RIOK1: variants seen among roughly 807,000 people sequenced by gnomAD.
The protein encoded by RIOK1 is serine/threonine-protein kinase RIO1.
Under a neutral mutation model 73.5 loss-of-function variants are expected in RIOK1, and 66 were observed. That is an observed-to-expected ratio of 0.90 (90% CI 0.74 to 1.10). The LOEUF (loss-of-function observed/expected upper bound fraction) is 1.10, where lower values mean the gene tolerates loss of function less well. RIOK1 is among the 50% of genes least tolerant of loss of function. RIOK1 has a pLI of 0.00. For missense variants in RIOK1, 658 were observed against 699.8 expected (o/e 0.94, Z 0.67); for synonymous variants, 224 against 226.8 (o/e 0.99, Z 0.11).
At chr6:7,390,145 T>C in intron 1 of RIOK1, 72 bp downstream of exon 1, 4 of 1,297,286 alleles carry the variant, frequency 3.1e-6, no homozygotes, top group Non-Finnish European at 4.3e-6. Flanking sequence ...GTGTGGACTC[T>C]TGTTTGCGGT....
intron 2 of RIOK1, among the ~76,000 whole-genome samples, chr6:7,393,927 C>T (rs1761405764): frequency 1.3e-5 from 2 of 152,032 alleles, no homozygotes; most frequent in East Asian, 3.9e-4. Context: ...ATTATACAGC[C>T]ATAAAAGATG....
intron 5 of RIOK1, among the ~76,000 whole-genome samples, chr6:7,399,411 G>A (rs1761558933): frequency 6.6e-6 from 1 of 152,156 alleles, no homozygotes; most frequent in Non-Finnish European, 1.5e-5. Flanking sequence ...TTGTCCCCTA[G>A]TTTATTTTGT....
In RIOK1 at chr6:7,401,010, T is replaced by C; in HGVS notation, c.533T>C (p.Ile178Thr). The change falls in exon 6 of 17, where the codon ATC becomes ACC. Residue 178 changes from isoleucine (I) to threonine (T), a missense_variant. By Grantham distance (89) the Ile-to-Thr change is moderately conservative (BLOSUM62 -1). Transcript: ENST00000379834. ...MILFKMLTRG[I>T]ITEINGCIST... ...TTATTCAAGATGTTGACTAGAGGAA[T>C]CATAACAGAGATAAATGGCTGCATT... 1 of 1,611,346 alleles carries C rather than the reference T, an allele frequency of 6.2e-7. No individual in the cohort carries two copies. Among genetic ancestry groups the C allele is most frequent in the Non-Finnish European group, 8.5e-7 (1 of 1,178,134 alleles).
intron 6 of RIOK1, among the ~76,000 whole-genome samples, chr6:7,401,831 A>T (rs1017048344): frequency 2.6e-5 from 4 of 151,340 alleles, no homozygotes; most frequent in African/African-American, 9.7e-5. Context: ...GGCGTGCACC[A>T]CCACACTCAG....
intron 5 of RIOK1, among the ~76,000 whole-genome samples, chr6:7,400,527 TA>T (rs1219494109): frequency 6.6e-6 from 1 of 152,242 alleles, no homozygotes; most frequent in Non-Finnish European, 1.5e-5. Flanking sequence ...GATGACTTTT[TA>T]TATTGATACA....
chr6:7,403,854 A>G, intron 8 of RIOK1, 87 bp from the exon 9 acceptor site: 1 of 805,102 alleles, frequency 1.2e-6, no homozygotes, highest in South Asian at 1.4e-5. Flanking sequence ...TCTTAACAGC[A>G]ATATTAATCT....
chr6:7,410,369 T>C lies in RIOK1; in HGVS notation c.1204-17T>C. ...AGTTTGAATATAAAAGAAAGTCATT[T>C]TTGTTTTCTTTCCAAGGCCATGGAA... On this transcript the variant is annotated splice_polypyrimidine_tract_variant and intron_variant, in intron 12 of 16. Transcript: ENST00000379834. 6.3e-7 allele frequency: 1 copy of C among 1,592,016 alleles called. No individual in the cohort carries two copies. The highest frequency in any genetic ancestry group is 8.6e-7 in the Non-Finnish European group (1 of 1,160,674).
chr6:7,400,639 T>G (rs1218252320), intron 5 of RIOK1, among the ~76,000 whole-genome samples: 1 of 152,248 alleles, frequency 6.6e-6, no homozygotes, highest in East Asian at 1.9e-4. Flanking sequence ...TAGAACAATG[T>G]AATACTATTT....
chr6:7,396,915 G>GTGTT (rs1554141234), intron 4 of RIOK1, 143 bp downstream of exon 4: 2 of 538,088 alleles, frequency 3.7e-6, no homozygotes, highest in Non-Finnish European at 6.7e-6. Context: ...GTGTGTGTGT[G>GTGTT]TGTGTTTTCC....
At position 7,404,495 on chromosome 6, in the gene RIOK1, T is replaced by A. The variant is rs747289992; in HGVS notation, c.932T>A (p.Met311Lys). 63 of 1,613,410 alleles carry A rather than the reference T, an allele frequency of 3.9e-5. No homozygotes were observed. The East Asian group carries it at 1.4e-3, about 36-fold the overall frequency. ...TTGTACCTGCAGGTCATTCAGTACA[T>A]GAGAAGAATGTATCAGGATGCCAGA... Reference protein sequence around the residue: ...RELYLQVIQYMRRMYQDARLV... With the variant: ...RELYLQVIQYKRRMYQDARLV... Residue 311 changes from methionine (M) to lysine (K), a missense_variant, in exon 10 of 17, where the codon ATG becomes AAG. Transcript: ENST00000379834.
chr6:7,406,686 G>A (rs1761753283), intron 12 of RIOK1, among the ~76,000 whole-genome samples: 1 of 152,134 alleles, frequency 6.6e-6, no homozygotes, highest in East Asian at 1.9e-4. Context: ...GTTTGAGACA[G>A]GGTCTCACTC....
intron 13 of RIOK1, among the ~76,000 whole-genome samples, chr6:7,411,063 C>T (rs1364920821): frequency 6.6e-6 from 1 of 152,208 alleles, no homozygotes; most frequent in African/African-American, 2.4e-5. Flanking sequence ...AAGTGTTATT[C>T]TAAGGATAAT....
chr6:7,400,845 A>G (rs909230616), intron 5 of RIOK1, 113 bp from the exon 6 acceptor site: 43 of 614,734 alleles, frequency 7.0e-5, no homozygotes, highest in African/African-American at 2.1e-4. Context: ...CATTTAGTCA[A>G]CCAGGATAGC....
At chr6:7,398,169 A>C (rs1761522924) in intron 4 of RIOK1, among the ~76,000 whole-genome samples, 2 of 152,132 alleles carry the variant, frequency 1.3e-5, no homozygotes, top group South Asian at 4.1e-4. Flanking sequence ...ACAAAAACAA[A>C]AAAACTTGTA....
intron 8 of RIOK1, 120 bp downstream of exon 8, chr6:7,403,017 T>G: frequency 2.8e-6 from 2 of 713,950 alleles, no homozygotes; most frequent in South Asian, 2.1e-5. Flanking sequence ...GGCCTTTATT[T>G]CTATTAGGTC....
At chr6:7,416,168 G>A (rs1339131602) in intron 16 of RIOK1, among the ~76,000 whole-genome samples, 4 of 152,044 alleles carry the variant, frequency 2.6e-5, no homozygotes, top group Admixed American at 6.5e-5. Flanking sequence ...ATACAATGTG[G>A]GTCCCAAGAC....
chr6:7,415,938 ACCT>A (rs1323546724), intron 16 of RIOK1, among the ~76,000 whole-genome samples: 2 of 152,218 alleles, frequency 1.3e-5, no homozygotes, highest in African/African-American at 4.8e-5. Flanking sequence ...TATAAATTAA[ACCT>A]CATCATAGGT....
chr6:7,410,866 T>A (rs569279873), intron 13 of RIOK1, among the ~76,000 whole-genome samples: 1 of 152,220 alleles, frequency 6.6e-6, no homozygotes, highest in African/African-American at 2.4e-5. Flanking sequence ...AGTAGGCTTT[T>A]AAAAAAAATT....
chr6:7,416,082 C>T (rs1215592619), intron 16 of RIOK1, among the ~76,000 whole-genome samples: 1 of 152,166 alleles, frequency 6.6e-6, no homozygotes, highest in Non-Finnish European at 1.5e-5. Flanking sequence ...AATCCCTAGC[C>T]ATAGACATAG....
Sources: gnomAD v4.1 joint callset for allele counts (sites outside exome capture counted in the v4.1 genomes callset) on GRCh38, gnomAD v4.1.1 for gene constraint, MANE v1.5 for transcripts, NCBI Gene and HGNC (gene_info 2026-07-23, HGNC 2026-07-21) for gene names.